Variants in MFN1 observed in about 807,000 individuals in gnomAD.
The protein encoded by MFN1 is mitofusin 1.
A neutral mutation model predicts 92.4 loss-of-function variants in MFN1; 65 were observed. The observed-to-expected ratio is 0.70, with a 90% confidence interval of 0.58 to 0.86. The LOEUF (loss-of-function observed/expected upper bound fraction) is 0.86. Among genes scored for constraint, MFN1 ranks in the 40% least tolerant of loss-of-function variants. The pLI is 0.00. For missense variants in MFN1, 781 were observed against 868.0 expected (o/e 0.90, Z 1.26); for synonymous variants, 297 against 300.9 (o/e 0.99, Z 0.13).
chr3:179,354,345 A>G (rs1712266782), intron 3 of MFN1, among the ~76,000 whole-genome samples: 1 of 152,256 alleles, frequency 6.6e-6, no homozygotes, highest in Non-Finnish European at 1.5e-5. Context: ...GAGACTTTGT[A>G]AGCAAAAGTC....
intron 4 of MFN1, among the ~76,000 whole-genome samples, chr3:179,361,301 A>G (rs947752154): frequency 1.3e-5 from 2 of 151,792 alleles, no homozygotes; most frequent in Non-Finnish European, 2.9e-5. Flanking sequence ...TCCTCTTCAC[A>G]CTCTTTTCCT....
intron 4 of MFN1, among the ~76,000 whole-genome samples, chr3:179,361,579 C>T (rs1712581355): frequency 6.6e-6 from 1 of 151,674 alleles, no homozygotes; most frequent in African/African-American, 2.4e-5. Context: ...CTCTGTTGCC[C>T]AGGCTGGGGT....
At chr3:179,388,061 T>G (rs1713760959) in intron 16 of MFN1, among the ~76,000 whole-genome samples, 1 of 151,888 alleles carries the variant, frequency 6.6e-6, no homozygotes, top group African/African-American at 2.4e-5. Context: ...TTTGTATTTT[T>G]TTTTTTTAGT....
At position 179,390,334 on chromosome 3, in the gene MFN1, T is replaced by C. The variant is rs140150360; in HGVS notation, c.2147+196T>C. 0.01 allele frequency among the ~76,000 whole-genome samples: 1,558 copies of C among 152,316 alleles called. 53 individuals carry two copies. The South Asian group carries it at 0.11, about 11-fold the overall frequency. ...AAAATCTTCCATATTTAATTCCATG[T>C]GGTTTGCAGTTTCACTGAAGGCTAA... On this transcript the variant is annotated intron_variant, in intron 17 of 17. Coordinates refer to ENST00000471841, the MANE Select transcript of MFN1 (RefSeq NM_033540.3).
At chr3:179,365,341 G>T in intron 7 of MFN1, 116 bp downstream of exon 7, 1 of 612,806 alleles carries the variant, frequency 1.6e-6, no homozygotes, top group Non-Finnish European at 2.6e-6. Flanking sequence ...ATGAAAAGAA[G>T]ATAGTTAGAG....
intron 17 of MFN1, 48 bp downstream of exon 17, chr3:179,390,186 T>A (rs1430968487): frequency 7.2e-7 from 1 of 1,388,452 alleles, no homozygotes; most frequent in Non-Finnish European, 9.6e-7. Flanking sequence ...CTGGTCTCAT[T>A]ACAAAATATG....
intron 16 of MFN1, among the ~76,000 whole-genome samples, chr3:179,387,984 G>A (rs566748141): frequency 6.6e-6 from 1 of 151,568 alleles, no homozygotes; most frequent in Non-Finnish European, 1.5e-5. Context: ...CACTCGCCTC[G>A]GCCTCCCAAA....
chr3:179,364,479 G>A, intron 6 of MFN1, 74 bp downstream of exon 6: 2 of 1,195,410 alleles, frequency 1.7e-6, no homozygotes, highest in African/African-American at 1.5e-5. Flanking sequence ...TGAAAAGCAA[G>A]GGAAATCCAT....
chr3:179,350,913 G>T (rs758638098), intron 2 of MFN1, among the ~76,000 whole-genome samples: 1 of 152,148 alleles, frequency 6.6e-6, no homozygotes. Context: ...TTGGAGTGCA[G>T]TGGCACCATC....
Position 179,391,356 on chromosome 3 carries a change from TA to T in MFN1, c.2148-617del, listed in dbSNP as rs539991291. Among the ~76,000 whole-genome samples, 66 of 151,962 alleles carry T rather than the reference TA, an allele frequency of 4.3e-4. No homozygotes were observed. In the East Asian group the frequency reaches 8.5e-3, roughly 20 times the overall value. On this transcript the variant is annotated intron_variant, in intron 17 of 17. Coordinates refer to ENST00000471841, the MANE Select transcript of MFN1 (RefSeq NM_033540.3). ...AATCATTTTTCTAATAGAAAAAAGTTAAAAAAAACAAATACCATAATATTTG... is the reference window on the plus strand; with the variant it reads ...AATCATTTTTCTAATAGAAAAAAGTTAAAAAAACAAATACCATAATATTTG...
At chr3:179,369,996 T>C (rs1712957950) in intron 9 of MFN1, among the ~76,000 whole-genome samples, 1 of 152,202 alleles carries the variant, frequency 6.6e-6, no homozygotes, top group Non-Finnish European at 1.5e-5. Context: ...TTAAAAATTA[T>C]TTGAATTTTT....
chr3:179,368,867 C>T (rs1266500893), intron 9 of MFN1, among the ~76,000 whole-genome samples: 2 of 152,142 alleles, frequency 1.3e-5, no homozygotes, highest in African/African-American at 4.8e-5. Flanking sequence ...TTGAAGAAAC[C>T]TCAGTCTGTA....
Position 179,368,072 on chromosome 3 carries a change from A to G in MFN1, c.944A>G (p.Gln315Arg), listed in dbSNP as rs139977251. 6.7e-4 allele frequency: 1,052 copies of G among 1,574,770 alleles called. No individual in the cohort carries two copies. The highest frequency in any genetic ancestry group is 8.7e-4 in the Non-Finnish European group (1,010 of 1,158,592). Reference sequence around the variant, plus strand: ...GCTGAAGGATTTCATGCAAGATTACAGGAATTTCAGAATTTTGAACAAATC... The same window carrying G: ...GCTGAAGGATTTCATGCAAGATTACGGGAATTTCAGAATTTTGAACAAATC... Reference protein sequence around the residue: ...ALAEGFHARLQEFQNFEQIFE... With the variant: ...ALAEGFHARLREFQNFEQIFE... The change falls in exon 9 of 18, where the codon CAG becomes CGG. Residue 315 changes from glutamine (Q) to arginine (R), a missense_variant. Transcript: ENST00000471841.
chr3:179,383,001 T>C (rs997956796), intron 14 of MFN1, among the ~76,000 whole-genome samples: 2 of 152,220 alleles, frequency 1.3e-5, no homozygotes, highest in Non-Finnish European at 2.9e-5. Flanking sequence ...GCAAAAATTT[T>C]CTCCCATTCT....
chr3:179,390,702 ACTTTCAG>A (rs1203548338), intron 17 of MFN1, among the ~76,000 whole-genome samples: 1 of 152,162 alleles, frequency 6.6e-6, no homozygotes, highest in Non-Finnish European at 1.5e-5. Flanking sequence ...TAAGAACTTA[ACTTTCAG>A]CTTTCTTACT....
chr3:179,387,375 A>G (rs1394321466), intron 16 of MFN1, among the ~76,000 whole-genome samples: 1 of 151,932 alleles, frequency 6.6e-6, no homozygotes, highest in Non-Finnish European at 1.5e-5. Context: ...GTGAAACCCC[A>G]TCTCTACTAA....
In MFN1 at chr3:179,351,930, T is replaced by C; in HGVS notation, c.143T>C (p.Ile48Thr). 1 of 1,607,998 alleles carries C rather than the reference T, an allele frequency of 6.2e-7. No homozygotes were observed. The highest frequency in any genetic ancestry group is 8.5e-7 in the Non-Finnish European group (1 of 1,175,638). The change falls in exon 3 of 18, where the codon ATA (isoleucine) becomes ACA (threonine). Residue 48 changes from isoleucine (I) to threonine (T), a missense_variant. Transcript: ENST00000471841. ...TATAAGAATCCGGAACTTGATCGAA[T>C]AGCCACTGAAGATGATCTGGTAGAA... ...ATYKNPELDR[I>T]ATEDDLVEMQ...
intron 4 of MFN1, among the ~76,000 whole-genome samples, chr3:179,360,080 T>A (rs1420148883): frequency 3.3e-5 from 5 of 151,998 alleles, no homozygotes; most frequent in Non-Finnish European, 7.4e-5. Flanking sequence ...CACACCTGCC[T>A]AATTTTTGTA....
chr3:179,383,869 AAAATT>A (rs1369777498), intron 14 of MFN1, among the ~76,000 whole-genome samples: 22 of 152,250 alleles, frequency 1.4e-4, no homozygotes, highest in Non-Finnish European at 2.4e-4. Context: ...AAAACTTTAA[AAAATT>A]TATCAATTCA....
Sources: gnomAD v4.1 joint callset for allele counts (sites outside exome capture counted in the v4.1 genomes callset) on GRCh38, gnomAD v4.1.1 for gene constraint, MANE v1.5 for transcripts, NCBI Gene and HGNC (gene_info 2026-07-23, HGNC 2026-07-21) for gene names.